REST: variants seen among roughly 807,000 people sequenced by gnomAD.
The protein encoded by REST is RE1-silencing transcription factor.
In REST, 1 loss-of-function variant was observed where a neutral mutation model predicts 30.4. The observed-to-expected ratio is 0.03, with a 90% confidence interval of 0.01 to 0.16. The LOEUF is 0.16. REST is among the 10% of genes least tolerant of loss of function. REST has a pLI of 1.00. For synonymous variants in REST, 504 were observed against 451.1 expected (o/e 1.12, Z -1.49); for missense variants, 1,259 against 1,329.5 (o/e 0.95, Z 0.82).
chr4:56,919,397 G>T (rs112374658), intron 2 of REST, among the ~76,000 whole-genome samples: 12 of 151,802 alleles, frequency 7.9e-5, no homozygotes, highest in African/African-American at 2.9e-4. Context: ...CCTAAAAACC[G>T]GTGTTAATAG....
At chr4:56,928,195 C>T (rs1720796879) in intron 3 of REST, among the ~76,000 whole-genome samples, 1 of 152,254 alleles carries the variant, frequency 6.6e-6, no homozygotes, top group South Asian at 2.1e-4. Context: ...GTAATCTTGC[C>T]TTCTGGGTCC....
rs375275124 is a variant in REST at position 56,912,300 on chromosome 4, G to T, written c.898+764G>T. Among the ~76,000 whole-genome samples, 76 of 149,926 alleles carry T rather than the reference G, an allele frequency of 5.1e-4. 1 individual carries two copies. In the South Asian group the frequency reaches 0.014, roughly 28 times the overall value. On this transcript the variant is annotated intron_variant, in intron 2 of 3. Transcript: ENST00000309042. ...TCAGACAATTATGTTTAGGGTGTTTGAACTGATACTAAGCGCAACTGTATA... is the reference window on the plus strand; with the variant it reads ...TCAGACAATTATGTTTAGGGTGTTTTAACTGATACTAAGCGCAACTGTATA...
intron 3 of REST, among the ~76,000 whole-genome samples, chr4:56,929,140 T>C (rs995594844): frequency 1.3e-5 from 2 of 151,030 alleles, no homozygotes; most frequent in African/African-American, 4.9e-5. Flanking sequence ...CGATCTCAGC[T>C]CACTGCAACC....
intron 3 of REST, among the ~76,000 whole-genome samples, chr4:56,922,580 TG>T (rs1230336970): frequency 6.6e-6 from 1 of 152,204 alleles, no homozygotes; most frequent in Non-Finnish European, 1.5e-5. Flanking sequence ...CCCAACGTGC[TG>T]GGATTACAGG....
chr4:56,908,404 CACAG>C (rs1719720592), intron 1 of REST, among the ~76,000 whole-genome samples, 191 bp downstream of exon 1: 1 of 151,432 alleles, frequency 6.6e-6, no homozygotes, highest in African/African-American at 2.4e-5. Flanking sequence ...GATCGGGTTA[CACAG>C]CAGCCGCCCG....
intron 3 of REST, among the ~76,000 whole-genome samples, chr4:56,926,435 A>G (rs1578507840): frequency 6.8e-6 from 1 of 146,958 alleles, no homozygotes; most frequent in South Asian, 2.2e-4. Flanking sequence ...GGAGTGCAGT[A>G]GTGCGATCTC....
intron 3 of REST, among the ~76,000 whole-genome samples, chr4:56,924,498 C>G (rs76647346): frequency 0.01 from 1,545 of 152,298 alleles, 21 homozygotes; most frequent in African/African-American, 0.036. Flanking sequence ...GGATCTCACT[C>G]TGTCACTCAG....
intron 3 of REST, among the ~76,000 whole-genome samples, chr4:56,925,412 A>G (rs899833996): frequency 6.6e-6 from 1 of 152,082 alleles, no homozygotes; most frequent in African/African-American, 2.4e-5. Context: ...GGGTCTCACT[A>G]GGTTGCCCAG....
intron 3 of REST, among the ~76,000 whole-genome samples, chr4:56,926,098 C>T (rs2412768): frequency 0.27 from 41,216 of 151,886 alleles, 6,627 homozygotes; most frequent in Middle Eastern, 0.4. Context: ...CTCACCCTGT[C>T]GTCCAGGCTG....
At chr4:56,926,222 G>T (rs1326498568) in intron 3 of REST, among the ~76,000 whole-genome samples, 3 of 151,692 alleles carry the variant, frequency 2.0e-5, no homozygotes, top group Non-Finnish European at 4.4e-5. Flanking sequence ...ACCACGCCTG[G>T]CTAAGTTTTT....
rs1578481033 is a variant in REST, at chr4:56,908,167, G to C, written c.-56G>C. ...GCAACAAAGAAAAGTAGTCGGAGAA[G>C]GAGCGGCGACTCAGGGTCGCCCGCC... On this transcript the variant is annotated 5_prime_UTR_variant, in exon 1 of 4. Coordinates refer to ENST00000309042, the MANE Select transcript of REST (RefSeq NM_005612.5). The C allele has an allele frequency of 3.9e-6, 1 of 257,674 alleles. No homozygotes were observed. Among genetic ancestry groups the C allele is most frequent in the South Asian group, 1.7e-4 (1 of 5,752 alleles). The allele number at this position is 257,674 out of a possible 1,614,324, so 16.0% of individuals were successfully genotyped here.
intron 3 of REST, among the ~76,000 whole-genome samples, chr4:56,928,568 A>T (rs1578510767): frequency 6.8e-6 from 1 of 147,736 alleles, no homozygotes; most frequent in Non-Finnish European, 1.5e-5. Context: ...GGTGCACTCC[A>T]CCATGCCTGG....
chr4:56,927,043 C>G (rs952400624), intron 3 of REST, among the ~76,000 whole-genome samples: 3 of 151,764 alleles, frequency 2.0e-5, no homozygotes, highest in Non-Finnish European at 4.4e-5. Flanking sequence ...TTGCAGTGAG[C>G]CGAGATCGCG....
rs543390185 is a variant in REST at position 56,931,013 on chromosome 4, G to C, written c.2155G>C (p.Ala719Pro). 320 of 1,614,218 alleles carry C rather than the reference G, an allele frequency of 2.0e-4. 5 individuals are homozygous for C. The South Asian group carries it at 3.4e-3, about 17-fold the overall frequency. The change falls in exon 4 of 4, where the codon GCT becomes CCT. Residue 719 changes from alanine (A) to proline (P), a missense_variant. Around this residue, in one of 5 missense-constraint regions of REST, gnomAD observed 856 missense variants for 772.8 expected, o/e 1.11. Coordinates refer to ENST00000309042, the MANE Select transcript of REST (RefSeq NM_005612.5). ...AQMEVAQVES[A>P]PMQVVQKEPV... ...GATGGAGGTTGCCCAGGTAGAATCT[G>C]CTCCCATGCAGGTGGTCCAGAAGGA...
intron 2 of REST, among the ~76,000 whole-genome samples, chr4:56,916,072 G>A (rs185293553): frequency 1.3e-5 from 2 of 149,338 alleles, no homozygotes; most frequent in Non-Finnish European, 3.0e-5. Flanking sequence ...CTGCACTCCA[G>A]CCTGGGGGAC....
In REST at chr4:56,931,991, A is replaced by C. The variant is rs1248852548; in HGVS notation, c.3133A>C (p.Lys1045Gln). The C allele has an allele frequency of 6.2e-7, 1 of 1,614,118 alleles. No homozygotes were observed. Among genetic ancestry groups the C allele is most frequent in the African/African-American group, 1.3e-5 (1 of 74,946 alleles). The change falls in exon 4 of 4, where the codon AAA becomes CAA. Residue 1045 changes from lysine (K) to glutamine (Q), a missense_variant. Transcript: ENST00000309042. Reference protein sequence around the residue: ...ARPVPQESSRKNAKEALAVKA... With the variant: ...ARPVPQESSRQNAKEALAVKA... ...GCCAGTTCCACAAGAATCTAGCAGA[A>C]AAAATGCAAAGGAAGCCTTGGCAGT... is the stretch of plus-strand genomic sequence containing the variant.
chr4:56,910,841 G>A lies in REST; in HGVS notation c.203G>A (p.Gly68Asp). 1 of 1,614,174 alleles carries A rather than the reference G, an allele frequency of 6.2e-7. No individual in the cohort carries two copies. The highest frequency in any genetic ancestry group is 8.5e-7 in the Non-Finnish European group (1 of 1,180,030). ...VNGSCCDYLV[G>D]EERQMAELMP... The stretch of plus-strand genomic sequence containing the variant: ...GGCAGCTGCTGTGATTACCTGGTCG[G>A]TGAAGAAAGACAGATGGCAGAACTG... The change falls in exon 2 of 4, where the codon GGT becomes GAT. Residue 68 changes from glycine to aspartate, a missense_variant. Gly to Asp is a moderately conservative substitution (Grantham distance 94). This residue lies in a region of REST where 249 missense variants were observed against 251.5 expected (regional missense o/e 0.99). Transcript: ENST00000309042.
At chr4:56,928,315 C>T (rs1002251716) in intron 3 of REST, among the ~76,000 whole-genome samples, 9 of 152,130 alleles carry the variant, frequency 5.9e-5, no homozygotes, top group South Asian at 2.1e-4. Flanking sequence ...ACCATGTTGG[C>T]CAGGCTGGTC....
intron 2 of REST, 45 bp from the exon 3 acceptor site, chr4:56,919,742 T>C: frequency 8.6e-7 from 1 of 1,161,162 alleles, no homozygotes; most frequent in Non-Finnish European, 1.3e-6. Flanking sequence ...TGTATTTGGC[T>C]ATTTCGTGAC....
Sources: gnomAD v4.1 joint callset for allele counts (sites outside exome capture counted in the v4.1 genomes callset) on GRCh38, gnomAD v4.1.1 for gene constraint, gnomAD v4.1.1 regional missense constraint, MANE v1.5 for transcripts, NCBI Gene and HGNC (gene_info 2026-07-23, HGNC 2026-07-21) for gene names.